The following RGS6 variants were observed in gnomAD, a reference collection of about 807,000 sequenced individuals.
RGS6 encodes the protein regulator of G protein signaling 6.
RGS6 carries 30 observed loss-of-function variants against 78.5 expected under a neutral mutation model. The observed-to-expected ratio is 0.38, with a 90% CI of 0.29 to 0.52. The LOEUF (loss-of-function observed/expected upper bound fraction) is 0.52. Ranked by LOEUF, RGS6 falls within the 20% of genes least tolerant of loss-of-function variation. The probability of loss-of-function intolerance (pLI) is 0.85; values close to 1 mark genes in which losing one functional copy is unlikely to be tolerated. For synonymous variants in RGS6, 206 were observed against 206.0 expected (o/e 1.00, Z 0.00); for missense variants, 495 against 609.7 (o/e 0.81, Z 1.98).
At chr14:72,509,986 A>G (rs1451098293) in intron 13 of RGS6, among the ~76,000 whole-genome samples, 168 bp from the exon 14 acceptor site, 1 of 152,220 alleles carries the variant, frequency 6.6e-6, no homozygotes, top group Non-Finnish European at 1.5e-5. Context: ...TTGGTGTACC[A>G]AAGTCTGCAT....
chr14:72,254,664 T>G (rs1233843312), intron 2 of RGS6, among the ~76,000 whole-genome samples: 1 of 152,192 alleles, frequency 6.6e-6, no homozygotes, highest in Admixed American at 6.5e-5. Flanking sequence ...GGGGACTCTT[T>G]TCTCCCTTCT....
intron 13 of RGS6, among the ~76,000 whole-genome samples, chr14:72,508,155 G>GC (rs141227528): frequency 0.014 from 2,063 of 152,260 alleles, 41 homozygotes; most frequent in African/African-American, 0.047. Context: ...ATTGGACTAT[G>GC]CTGGAAATGC....
intron 2 of RGS6, among the ~76,000 whole-genome samples, chr14:72,261,210 A>G (rs747436865): frequency 9.9e-5 from 15 of 152,212 alleles, no homozygotes; most frequent in Non-Finnish European, 1.8e-4. Context: ...TTGGTAGCCA[A>G]GAGAATTGAA....
chr14:71,960,229 T>G (rs1328320153), intron 1 of RGS6, among the ~76,000 whole-genome samples: 1 of 152,222 alleles, frequency 6.6e-6, no homozygotes, highest in Admixed American at 6.5e-5. Context: ...CTATTATGCA[T>G]AGAGCATCCC....
intron 2 of RGS6, among the ~76,000 whole-genome samples, chr14:72,235,560 A>G (rs1339216204): frequency 6.6e-6 from 1 of 152,222 alleles, no homozygotes; most frequent in African/African-American, 2.4e-5. Context: ...AATTATATCC[A>G]TCTACAATGT....
chr14:71,959,292 A>C (rs1348557883), intron 1 of RGS6, among the ~76,000 whole-genome samples: 1 of 152,102 alleles, frequency 6.6e-6, no homozygotes, highest in Non-Finnish European at 1.5e-5. Context: ...ACATCTTGTA[A>C]ATTTTTTTTC....
At chr14:72,513,340 A>G (rs906080257) in intron 14 of RGS6, among the ~76,000 whole-genome samples, 3 of 152,120 alleles carry the variant, frequency 2.0e-5, no homozygotes, top group Non-Finnish European at 4.4e-5. Context: ...AGAAGTTGAC[A>G]TCCCCTTTGA....
intron 2 of RGS6, among the ~76,000 whole-genome samples, chr14:72,269,954 G>A (rs1263772976): frequency 6.6e-6 from 1 of 152,162 alleles, no homozygotes; most frequent in South Asian, 2.1e-4. Flanking sequence ...GTTAAAAATA[G>A]CATATATGTC....
intron 2 of RGS6, among the ~76,000 whole-genome samples, chr14:72,184,813 T>G (rs1204796405): frequency 6.6e-6 from 1 of 152,242 alleles, no homozygotes; most frequent in African/African-American, 2.4e-5. Flanking sequence ...TTCTGTTAAA[T>G]GTATTTATAT....
At chr14:72,163,360 G>A (rs77112841) in intron 2 of RGS6, among the ~76,000 whole-genome samples, 199 of 152,316 alleles carry the variant, frequency 1.3e-3, no homozygotes, top group African/African-American at 4.6e-3. Flanking sequence ...TGCCAATGAG[G>A]TTGATAATTC....
intron 2 of RGS6, among the ~76,000 whole-genome samples, chr14:72,116,008 G>A (rs1449119635): frequency 1.3e-5 from 2 of 152,146 alleles, no homozygotes; most frequent in Admixed American, 6.5e-5. Flanking sequence ...TTCCTTAATA[G>A]GAATCTTTAA....
intron 3 of RGS6, among the ~76,000 whole-genome samples, chr14:72,388,837 A>C (rs2089108804): frequency 6.6e-6 from 1 of 152,174 alleles, no homozygotes; most frequent in African/African-American, 2.4e-5. Context: ...AGAGCTATTC[A>C]TAATAGTATC....
chr14:71,895,810 A>G, the RGS6 span, among the ~76,000 whole-genome samples: 1 of 152,170 alleles, frequency 6.6e-6, no homozygotes, highest in Non-Finnish European at 1.5e-5. Context: ...CCCAAAGAAC[A>G]GGGCTCCATG....
At chr14:72,584,701 G>A in the RGS6 span, among the ~76,000 whole-genome samples, 1 of 152,234 alleles carries the variant, frequency 6.6e-6, no homozygotes, top group Non-Finnish European at 1.5e-5. Flanking sequence ...GCAGCTGAGA[G>A]AGACTGGGGA....
chr14:71,995,249 A>G (rs998457581), intron 2 of RGS6, among the ~76,000 whole-genome samples: 1 of 152,170 alleles, frequency 6.6e-6, no homozygotes, highest in Non-Finnish European at 1.5e-5. Flanking sequence ...CTGGAATTCT[A>G]TGTTCTTCTG....
At position 72,184,414 on chromosome 14, in the gene RGS6, A is replaced by AC. The variant is rs1567407695; in HGVS notation, c.85-167681_85-167680insC. ...CACACACACACACACACACACACAG[A>AC]AAGAGGGAGAGAAAGAGAGAGAAGC... On this transcript the variant is annotated intron_variant, in intron 2 of 17. Coordinates refer to ENST00000553525, the MANE Select transcript of RGS6 (RefSeq NM_001204424.2). Among the ~76,000 whole-genome samples, 394 of 151,496 alleles carry AC rather than the reference A, an allele frequency of 2.6e-3. 1 individual carries two copies. The highest frequency in any genetic ancestry group is 9.1e-3 in the African/African-American group (377 of 41,262).
At chr14:71,957,759 A>C (rs2092901881) in intron 1 of RGS6, among the ~76,000 whole-genome samples, 2 of 151,774 alleles carry the variant, frequency 1.3e-5, no homozygotes, top group African/African-American at 4.8e-5. Context: ...TGGAATGCAA[A>C]ATTTTTATTT....
intron 2 of RGS6, among the ~76,000 whole-genome samples, chr14:72,220,081 T>C (rs1048618516): frequency 1.3e-5 from 2 of 152,150 alleles, no homozygotes; most frequent in African/African-American, 2.4e-5. Flanking sequence ...AGCATTCCTA[T>C]ATAACAACAT....
chr14:72,523,139 T>C (rs1376272495), intron 15 of RGS6, among the ~76,000 whole-genome samples: 1 of 152,156 alleles, frequency 6.6e-6, no homozygotes, highest in Non-Finnish European at 1.5e-5. Context: ...CAGCAGCCCA[T>C]GACCAGCCAG....
Sources: gnomAD v4.1 joint callset for allele counts (sites outside exome capture counted in the v4.1 genomes callset) on GRCh38, gnomAD v4.1.1 for gene constraint, MANE v1.5 for transcripts, NCBI Gene and HGNC (gene_info 2026-07-23, HGNC 2026-07-21) for gene names.